FRMD4B: variants seen among roughly 807,000 people sequenced by gnomAD.
FRMD4B encodes the protein FERM domain containing 4B.
A neutral mutation model predicts 141.5 loss-of-function variants in FRMD4B; 74 were observed. The ratio of observed to expected loss-of-function variants is 0.52; its 90% CI spans 0.43 to 0.63. The LOEUF is 0.63. FRMD4B is among the 30% of genes least tolerant of loss of function. FRMD4B has a pLI of 0.00. For missense variants in FRMD4B, 1,366 were observed against 1,253.4 expected (o/e 1.09, Z -1.36); for synonymous variants, 506 against 467.9 (o/e 1.08, Z -1.05).
Position 69,489,339 on chromosome 3 carries a change from GTATATAAAA to G in FRMD4B, c.-129+52858_-129+52866del, listed in dbSNP as rs1348413629. On this transcript the variant is annotated intron_variant, in intron 1 of 5. Transcript: ENST00000459638. ...GTATACATATATAAATGAGATATAT[GTATATAAAA>G]TGTATACATATATAAATGAGATATA... Among the ~76,000 whole-genome samples, 294 of 148,024 alleles carry G rather than the reference GTATATAAAA, an allele frequency of 2.0e-3. 1 individual carries two copies. The highest frequency in any genetic ancestry group is 6.8e-3 in the African/African-American group (277 of 40,670).
intron 7 of FRMD4B, among the ~76,000 whole-genome samples, chr3:69,235,810 T>A (rs901937367): frequency 6.6e-6 from 1 of 152,098 alleles, no homozygotes; most frequent in African/African-American, 2.4e-5. Flanking sequence ...TTCATGGATA[T>A]GAAAACAGAG....
chr3:69,228,387 G>C (rs1553705550), intron 7 of FRMD4B: 3 of 456,930 alleles, frequency 6.6e-6, no homozygotes, highest in Non-Finnish European at 1.3e-5. Flanking sequence ...AACTGGGTAA[G>C]CGAGCTGAGA....
intron 22 of FRMD4B, 58 bp downstream of exon 22, chr3:69,176,466 C>A: frequency 6.9e-7 from 1 of 1,442,222 alleles, no homozygotes; most frequent in Non-Finnish European, 9.7e-7. Flanking sequence ...AAATTAGGAT[C>A]CCTGAATTCT....
intron 1 of FRMD4B, among the ~76,000 whole-genome samples, chr3:69,317,897 T>C (rs1701859913): frequency 6.6e-6 from 1 of 152,124 alleles, no homozygotes; most frequent in African/African-American, 2.4e-5. Context: ...TTTTTGTCCT[T>C]GAGTTTCATG....
At chr3:69,327,133 G>T (rs886233511) in intron 1 of FRMD4B, among the ~76,000 whole-genome samples, 3 of 152,084 alleles carry the variant, frequency 2.0e-5, no homozygotes, top group Non-Finnish European at 2.9e-5. Context: ...TTGCCTTGTA[G>T]AAAATGGAAA....
chr3:69,267,636 TAGAG>T (rs55659743), intron 5 of FRMD4B, among the ~76,000 whole-genome samples: 40 of 32,938 alleles, frequency 1.2e-3, no homozygotes, highest in Middle Eastern at 0.015. Context: ...TATATATATA[TAGAG>T]AGAGAGAGAG....
In FRMD4B at chr3:69,374,122, T is replaced by G. The variant is rs1163363509; in HGVS notation, c.162+11706A>C. 5.3e-5 allele frequency among the ~76,000 whole-genome samples: 8 copies of G among 152,218 alleles called. No individual in the cohort carries two copies. In the East Asian group the frequency reaches 1.5e-3, roughly 29 times the overall value. On this transcript the variant is annotated intron_variant, in intron 1 of 22. Coordinates refer to ENST00000398540, the MANE Select transcript of FRMD4B (RefSeq NM_015123.3). ...GCACTCTAGCATGATAACTTTTGGC[T>G]TAGGATCAAGTCTTTGCAAGGGGTC...
chr3:69,463,242 G>C (rs137879675), intron 1 of FRMD4B, among the ~76,000 whole-genome samples: 239 of 152,298 alleles, frequency 1.6e-3, no homozygotes, highest in African/African-American at 5.5e-3. Context: ...TCAGTATCAA[G>C]CTTTACCTGT....
intron 4 of FRMD4B, among the ~76,000 whole-genome samples, chr3:69,301,367 C>T (rs1346274636): frequency 1.3e-5 from 2 of 152,004 alleles, no homozygotes; most frequent in Admixed American, 1.3e-4. Flanking sequence ...TCACTATTGT[C>T]CAGGCTGGAG....
At chr3:69,290,733 A>G (rs951454258) in intron 4 of FRMD4B, among the ~76,000 whole-genome samples, 2 of 152,108 alleles carry the variant, frequency 1.3e-5, no homozygotes, top group Non-Finnish European at 2.9e-5. Context: ...AATTATCACA[A>G]CTGCCTTGGG....
intron 2 of FRMD4B, among the ~76,000 whole-genome samples, chr3:69,414,748 G>A (rs4428188): frequency 1.2e-4 from 18 of 152,252 alleles, no homozygotes; most frequent in Non-Finnish European, 2.4e-4. Context: ...AGGTAACTGC[G>A]TAGGGCGTAC....
intron 1 of FRMD4B, among the ~76,000 whole-genome samples, chr3:69,381,663 C>A (rs1189662750): frequency 6.6e-6 from 1 of 152,184 alleles, no homozygotes; most frequent in Non-Finnish European, 1.5e-5. Flanking sequence ...TATGGGATAG[C>A]AAAGGGGTAA....
upstream of FRMD4B, among the ~76,000 whole-genome samples, chr3:69,390,003 G>A (rs528488165): frequency 6.6e-5 from 10 of 152,044 alleles, no homozygotes; most frequent in East Asian, 1.7e-3. Context: ...CTCTCTGGAG[G>A]CTTAAGAAGA....
rs760708479 is a variant in FRMD4B at position 69,198,702 on chromosome 3, G to A, written c.949C>T (p.Arg317Ter). ...KKFAVEVHDPRRISVSRRTFG... is the reference protein window; with the variant it reads ...KKFAVEVHDP ...AGAAACGTCTTTGATCCTCACCTTCGTGGATCATGAACTTCAACAGCAAAT... is the reference window on the plus strand; with the variant it reads ...AGAAACGTCTTTGATCCTCACCTTCATGGATCATGAACTTCAACAGCAAAT... The change falls in exon 12 of 23, where the codon CGA (arginine) becomes TGA (stop). Residue 317 changes from arginine (R) to a stop codon, truncating the protein, a stop_gained. Transcript: ENST00000398540. LOFTEE classifies it high-confidence loss of function. The A allele has an allele frequency of 2.6e-6, 4 of 1,516,012 alleles. No individual in the cohort carries two copies. Among genetic ancestry groups the A allele is most frequent in the Non-Finnish European group, 2.7e-6 (3 of 1,104,176 alleles). The allele number at this position is 1,516,012 out of a possible 1,614,324, so 93.9% of individuals were successfully genotyped here.
intron 1 of FRMD4B, among the ~76,000 whole-genome samples, chr3:69,452,902 A>T (rs2041124197): frequency 6.6e-6 from 1 of 152,254 alleles, no homozygotes; most frequent in South Asian, 2.1e-4. Context: ...TTAACCCAAC[A>T]TAGCCAAAAC....
chr3:69,519,491 T>C (rs1700818196), intron 1 of FRMD4B, among the ~76,000 whole-genome samples: 1 of 152,172 alleles, frequency 6.6e-6, no homozygotes, highest in South Asian at 2.1e-4. Context: ...CTCTTACTTC[T>C]TCCCATGGGC....
At chr3:69,428,337 C>A (rs1342677642) in intron 2 of FRMD4B, among the ~76,000 whole-genome samples, 1 of 149,434 alleles carries the variant, frequency 6.7e-6, no homozygotes, top group Non-Finnish European at 1.5e-5. Context: ...TCTCCTAGTT[C>A]TGCTGGGGAT....
intron 1 of FRMD4B, among the ~76,000 whole-genome samples, chr3:69,533,771 C>T (rs148498174): frequency 1.2e-3 from 178 of 152,298 alleles, no homozygotes; most frequent in African/African-American, 4.1e-3. Flanking sequence ...ATCCCATGCA[C>T]CCCCTGCTAC....
intron 1 of FRMD4B, among the ~76,000 whole-genome samples, chr3:69,373,466 T>C (rs1167836810): frequency 6.6e-6 from 1 of 152,242 alleles, no homozygotes; most frequent in Non-Finnish European, 1.5e-5. Flanking sequence ...ACAATTTCTA[T>C]ATTTGCCAAA....
Sources: allele counts gnomAD v4.1 joint callset (sites outside exome capture counted in the v4.1 genomes callset), GRCh38; gene constraint gnomAD v4.1.1; transcripts MANE v1.5; gene names NCBI Gene and HGNC (gene_info 2026-07-23, HGNC 2026-07-21).